The following LUZP1 variants were observed in gnomAD, a reference collection of about 807,000 sequenced individuals.
LUZP1 encodes leucine zipper protein 1.
A neutral mutation model predicts 71.3 loss-of-function variants in LUZP1; 25 were observed. That is an observed-to-expected ratio of 0.35 (90% confidence interval 0.26 to 0.49). LUZP1 has a LOEUF of 0.49. Ranked by LOEUF, LUZP1 falls within the 20% of genes least tolerant of loss-of-function variation. The pLI is 0.99. For synonymous variants in LUZP1, 481 were observed against 506.4 expected, an observed-to-expected ratio of 0.95 and a Z score of 0.67; for missense variants, 1,142 against 1,300.8, an observed-to-expected ratio of 0.88 and a Z score of 1.88.
intron 2 of LUZP1, among the ~76,000 whole-genome samples, chr1:23,120,012 G>A (rs1644118068): frequency 6.6e-6 from 1 of 151,812 alleles, no homozygotes; most frequent in Non-Finnish European, 1.5e-5. Flanking sequence ...AGCAATCGTG[G>A]CTTCCTGCAG....
intron 2 of LUZP1, among the ~76,000 whole-genome samples, chr1:23,151,593 C>T (rs182585295): frequency 6.6e-6 from 1 of 152,270 alleles, no homozygotes; most frequent in East Asian, 1.9e-4. Context: ...ATTTCTTAAA[C>T]CTCTATGAGC....
intron 2 of LUZP1, among the ~76,000 whole-genome samples, chr1:23,141,635 G>A (rs1644303803): frequency 6.6e-6 from 1 of 152,162 alleles, no homozygotes; most frequent in African/African-American, 2.4e-5. Context: ...GCCAAGCAGG[G>A]AGATCTCATG....
At chr1:23,119,996 C>T (rs1277767054) in intron 2 of LUZP1, among the ~76,000 whole-genome samples, 1 of 151,228 alleles carries the variant, frequency 6.6e-6, no homozygotes, top group Non-Finnish European at 1.5e-5. Flanking sequence ...AGCTGGAGTG[C>T]GGTGGAGCAA....
chr1:23,116,858 G>C (rs766159196), intron 2 of LUZP1, among the ~76,000 whole-genome samples: 5 of 152,140 alleles, frequency 3.3e-5, no homozygotes, highest in Non-Finnish European at 7.4e-5. Context: ...TGACTGTTAA[G>C]TGCCCAGAGC....
chr1:23,155,254 AT>A (rs1361607668), intron 2 of LUZP1, among the ~76,000 whole-genome samples: 2 of 152,206 alleles, frequency 1.3e-5, no homozygotes, highest in Non-Finnish European at 2.9e-5. Context: ...AAAGTCTTCC[AT>A]TTAATGAATC....
At chr1:23,167,283 G>A (rs531737977) in intron 2 of LUZP1, among the ~76,000 whole-genome samples, 1 of 152,172 alleles carries the variant, frequency 6.6e-6, no homozygotes, top group African/African-American at 2.4e-5. Context: ...AATTCTCCCG[G>A]CTCTGACACC....
Position 23,094,793 on chromosome 1 carries a change from A to G in LUZP1, c.-119-413T>C, listed in dbSNP as rs1471134364. On this transcript the variant is annotated intron_variant, in intron 3 of 4. Transcript: ENST00000302291. The surrounding 1 kb of genome is among the most constrained non-coding windows in gnomAD (Gnocchi z 4.7). ...TTCTCCCCAGTGTTGTTCTGAGATA[A>G]TATGTGGAAGATCTTGGTAACAAAG... Among the ~76,000 whole-genome samples the G allele has an allele frequency of 6.6e-6, 1 of 152,200 alleles. No individual in the cohort carries two copies. Among genetic ancestry groups the G allele is most frequent in the African/African-American group, 2.4e-5 (1 of 41,442 alleles).
intron 1 of LUZP1, among the ~76,000 whole-genome samples, chr1:23,170,032 C>T (rs995392741): frequency 2.0e-5 from 3 of 152,168 alleles, no homozygotes; most frequent in Non-Finnish European, 4.4e-5. Context: ...AGCACACCCA[C>T]TGCTTTCCCA....
intron 2 of LUZP1, among the ~76,000 whole-genome samples, chr1:23,155,598 A>G (rs1644415056): frequency 6.6e-6 from 1 of 152,258 alleles, no homozygotes; most frequent in East Asian, 1.9e-4. Context: ...TATAGAAGTC[A>G]GCAACTGGTT....
Position 23,094,419 on chromosome 1 carries a change from G to GTT in LUZP1, c.-119-40_-119-39insAA. ...GTAGAAAGCATGTCAGTCAGCAAATGTAAAACCTGCACGTTAGCTCCCAGT... is the reference window on the plus strand; with the variant it reads ...GTAGAAAGCATGTCAGTCAGCAAATGTTTAAAACCTGCACGTTAGCTCCCAGT... On this transcript the variant is annotated intron_variant, in intron 3 of 4. Transcript: ENST00000302291. The surrounding 1 kb of genome is among the most constrained non-coding windows in gnomAD (Gnocchi z 4.7). The GTT allele has an allele frequency of 8.0e-6, 11 of 1,383,306 alleles. No homozygotes were observed. The highest frequency in any genetic ancestry group is 1.0e-5 in the Non-Finnish European group (11 of 1,068,060). 85.7% of individuals were successfully genotyped at this position (1,383,306 alleles called of 1,614,324 possible). A position where few individuals can be genotyped will look rare whatever the true frequency, so the allele number is the denominator to read the frequency against.
chr1:23,092,359 T>C (rs1276637061), exon 4 of LUZP1: 2 of 1,614,190 alleles, frequency 1.2e-6, no homozygotes, highest in South Asian at 1.1e-5. Flanking sequence ...CTGTCTTCCA[T>C]CACAACTGCT....
At position 23,093,752 on chromosome 1, in the gene LUZP1, G is replaced by A. The variant is rs1643877603; in HGVS notation, c.510C>T (p.Asp170=). 5 of 1,613,732 alleles carry A rather than the reference G, an allele frequency of 3.1e-6. No individual in the cohort carries two copies. The highest frequency in any genetic ancestry group is 3.4e-6 in the Non-Finnish European group (4 of 1,180,024). Reference sequence around the variant, plus strand: ...AACTCTGCTCAGTTTTATCCAGGCGGTCCTCAGAAGATTCTAGTTCTTTCA... The same window carrying A: ...AACTCTGCTCAGTTTTATCCAGGCGATCCTCAGAAGATTCTAGTTCTTTCA... The change falls in exon 4 of 5, where the codon GAC becomes GAT. Residue 170 remains aspartate, a synonymous_variant. Transcript: ENST00000302291. This position sits in a 1 kb window ranked among gnomAD's most constrained non-coding sequence, Gnocchi z 4.2.
intron 1 of LUZP1, among the ~76,000 whole-genome samples, chr1:23,175,300 T>C (rs748927838): frequency 2.0e-5 from 3 of 152,202 alleles, no homozygotes; most frequent in Non-Finnish European, 2.9e-5. Flanking sequence ...CATTGAACTC[T>C]TCTCAGCAGC....
At chr1:23,136,636 C>T (rs750561940) in intron 2 of LUZP1, among the ~76,000 whole-genome samples, 247 of 152,252 alleles carry the variant, frequency 1.6e-3, no homozygotes, top group Non-Finnish European at 2.8e-3. Context: ...CCGACGGGCA[C>T]GGTGGCTCAC....
At chr1:23,089,204 G>C in intron 4 of LUZP1, 151 bp from the exon 4 acceptor site, 2 of 697,966 alleles carry the variant, frequency 2.9e-6, no homozygotes, top group Non-Finnish European at 2.4e-6. Context: ...ATATGCTTTT[G>C]CCTGAGTATG....
At chr1:23,124,732 T>G (rs1644157886) in intron 2 of LUZP1, among the ~76,000 whole-genome samples, 1 of 152,160 alleles carries the variant, frequency 6.6e-6, no homozygotes, top group African/African-American at 2.4e-5. Context: ...GAGGTACATT[T>G]TTTTAAAAGA....
chr1:23,103,709 G>A (rs1287302620), intron 3 of LUZP1, among the ~76,000 whole-genome samples: 4 of 151,490 alleles, frequency 2.6e-5, no homozygotes, highest in African/African-American at 7.3e-5. Flanking sequence ...GATGCATGAG[G>A]TCAGAAGTGT....
intron 2 of LUZP1, among the ~76,000 whole-genome samples, chr1:23,148,774 C>G (rs1644361459): frequency 6.6e-6 from 1 of 151,774 alleles, no homozygotes. Context: ...TCAAATCTAA[C>G]AAGCATTTAC....
At chr1:23,167,261 T>C (rs1368563563) in intron 2 of LUZP1, among the ~76,000 whole-genome samples, 2 of 152,132 alleles carry the variant, frequency 1.3e-5, no homozygotes, top group Non-Finnish European at 2.9e-5. Flanking sequence ...TCAAATCTTA[T>C]TAGGTGATCT....
Sources: allele counts gnomAD v4.1 joint callset (sites outside exome capture counted in the v4.1 genomes callset), GRCh38; gene constraint gnomAD v4.1.1; non-coding constraint Gnocchi (gnomAD v3.1); transcripts MANE v1.5; gene names NCBI Gene and HGNC (gene_info 2026-07-23, HGNC 2026-07-21).